Variants in MGAT5B observed in about 807,000 individuals in gnomAD.
The protein encoded by MGAT5B is alpha-1,6-mannosylglycoprotein 6-beta-N-acetylglucosaminyltransferase B.
In MGAT5B, 54 loss-of-function variants were observed where a neutral mutation model predicts 95.1. The ratio of observed to expected loss-of-function variants is 0.57; its 90% CI spans 0.46 to 0.71. The LOEUF is 0.71. Among genes scored for constraint, MGAT5B ranks in the 30% least tolerant of loss-of-function variants. The pLI, the probability that MGAT5B is intolerant of heterozygous loss-of-function variation, is 0.00. For missense variants in MGAT5B, 935 were observed against 1,088.6 expected, an observed-to-expected ratio of 0.86 and a Z score of 1.99; for synonymous variants, 464 against 451.0, an observed-to-expected ratio of 1.03 and a Z score of -0.36.
At chr17:76,945,335 G>T (rs990716154) in intron 15 of MGAT5B, among the ~76,000 whole-genome samples, 1 of 152,114 alleles carries the variant, frequency 6.6e-6, no homozygotes, top group Non-Finnish European at 1.5e-5. Flanking sequence ...TGTTGCCCAG[G>T]CTGGAGTGCA....
rs531221420 is a variant in MGAT5B at position 76,933,368 on chromosome 17, G to A, written c.1428+71G>A. The A allele has an allele frequency of 1.1e-4, 168 of 1,578,228 alleles. 1 individual carries two copies. The African/African-American group carries it at 2.0e-3, about 19-fold the overall frequency. On this transcript the variant is annotated intron_variant, in intron 12 of 17. Transcript: ENST00000569840. ...TCCCCTCTCCAGCAGCCACTCCAGG[G>A]GTCTCTCCTTGTGATGTTCTCCTGA...
chr17:76,948,923 G>C lies in MGAT5B; in HGVS notation c.*85G>C. 2.1e-6 allele frequency: 3 copies of C among 1,407,042 alleles called. No homozygotes were observed. The highest frequency in any genetic ancestry group is 1.9e-6 in the Non-Finnish European group (2 of 1,048,518). The allele number at this position is 1,407,042 out of a possible 1,614,324, so 87.2% of individuals were successfully genotyped here. Reference sequence around the variant, plus strand: ...CACCAGCAGGTTCTGAGCCCTGGCTGCTTGTCCTCCTCGCAACCCCCCCAG... The same window carrying C: ...CACCAGCAGGTTCTGAGCCCTGGCTCCTTGTCCTCCTCGCAACCCCCCCAG... On this transcript the variant is annotated 3_prime_UTR_variant, in exon 18 of 18. Coordinates refer to ENST00000569840, the MANE Select transcript of MGAT5B (RefSeq NM_001199172.2).
chr17:76,874,014 C>T (rs1373089713), intron 2 of MGAT5B, among the ~76,000 whole-genome samples: 2 of 152,190 alleles, frequency 1.3e-5, no homozygotes, highest in Admixed American at 1.3e-4. Flanking sequence ...TCTGTCATCT[C>T]ATCATTAGAT....
At chr17:76,933,330 C>T (rs771852040) in intron 12 of MGAT5B, 33 bp downstream of exon 12, 1 of 1,597,994 alleles carries the variant, frequency 6.3e-7, no homozygotes, top group Non-Finnish European at 8.5e-7. Context: ...GCCCCCTCTA[C>T]CCTCTGCTCC....
Position 76,870,748 on chromosome 17 carries a change from G to T in MGAT5B, c.68+1651G>T, listed in dbSNP as rs1298664897. Among the ~76,000 whole-genome samples the T allele has an allele frequency of 6.6e-6, 1 of 152,022 alleles. No individual in the cohort carries two copies. Among genetic ancestry groups the T allele is most frequent in the South Asian group, 2.1e-4 (1 of 4,816 alleles). ...ATCAGTGAGTCCCTTCAGTTGAGGT[G>T]GGGGGCAGGCTGCAATCATAGCACC... On this transcript the variant is annotated intron_variant, in intron 1 of 17. Transcript: ENST00000569840. This position sits in a 1 kb window ranked among gnomAD's most constrained non-coding sequence, Gnocchi z 5.0.
chr17:76,907,430 G>T (rs1034238544), intron 8 of MGAT5B, among the ~76,000 whole-genome samples: 5 of 152,128 alleles, frequency 3.3e-5, no homozygotes, highest in Non-Finnish European at 2.9e-5. Context: ...GTTTTGTTCT[G>T]GTTTCAAGCT....
chr17:76,918,680 G>A lies in MGAT5B; in HGVS notation c.1026-6286G>A, dbSNP rs747050945. 2.8e-4 allele frequency among the ~76,000 whole-genome samples: 42 copies of A among 152,176 alleles called. No individual in the cohort carries two copies. The highest frequency in any genetic ancestry group is 5.3e-4 in the Non-Finnish European group (36 of 68,032). On this transcript the variant is annotated intron_variant, in intron 8 of 17. Transcript: ENST00000569840. This position sits in a 1 kb window ranked among gnomAD's most constrained non-coding sequence, Gnocchi z 5.1. ...GGTAATGGGCCATGGCAGGGTTGGG[G>A]GCTGCCCATGATACTTGGGAAACGG...
intron 12 of MGAT5B, among the ~76,000 whole-genome samples, chr17:76,933,606 G>A (rs1969563941): frequency 6.6e-6 from 1 of 152,128 alleles, no homozygotes; most frequent in Non-Finnish European, 1.5e-5. Context: ...CAAGCAGGTG[G>A]CATGAGGTCA....
At chr17:76,936,662 A>C (rs1969682793) in intron 12 of MGAT5B, among the ~76,000 whole-genome samples, 1 of 152,342 alleles carries the variant, frequency 6.6e-6, no homozygotes, top group South Asian at 2.1e-4. Flanking sequence ...TTTTGCGTGT[A>C]GATATCATGT....
At chr17:76,881,100 G>A (rs1299684028) in intron 2 of MGAT5B, among the ~76,000 whole-genome samples, 1 of 152,154 alleles carries the variant, frequency 6.6e-6, no homozygotes, top group Non-Finnish European at 1.5e-5. Flanking sequence ...AGCACCCTAT[G>A]GACTGTGTGG....
chr17:76,930,850 G>T lies in MGAT5B; in HGVS notation c.1292-1795G>T, dbSNP rs1305065819. On this transcript the variant is annotated intron_variant, in intron 10 of 17. Transcript: ENST00000569840. This position sits in a 1 kb window ranked among gnomAD's most constrained non-coding sequence, Gnocchi z 4.1. ...CCCAAGAGAAGGCTTCCAGGAGGAG[G>T]TGTCGTGTGAGAGGGGCCCCGAAGG... Among the ~76,000 whole-genome samples, 2 of 152,222 alleles carry T rather than the reference G, an allele frequency of 1.3e-5. No homozygotes were observed. The highest frequency in any genetic ancestry group is 2.9e-5 in the Non-Finnish European group (2 of 68,032).
At chr17:76,939,239 C>T (rs533811226) in intron 13 of MGAT5B, among the ~76,000 whole-genome samples, 61 of 152,094 alleles carry the variant, frequency 4.0e-4, no homozygotes, top group African/African-American at 1.4e-3. Context: ...GTGGCTCACA[C>T]CTGTAATCCC....
At chr17:76,945,842 C>T (rs1970011325) in intron 15 of MGAT5B, among the ~76,000 whole-genome samples, 1 of 152,188 alleles carries the variant, frequency 6.6e-6, no homozygotes, top group African/African-American at 2.4e-5. Context: ...TGTGAACAAG[C>T]CATAGTCCCC....
rs559913111 is a variant in MGAT5B, at chr17:76,915,397, G to A, written c.1025+9210G>A. Among the ~76,000 whole-genome samples, 195 of 152,226 alleles carry A rather than the reference G, an allele frequency of 1.3e-3. 2 individuals carry two copies. Among genetic ancestry groups the A allele is most frequent in the African/African-American group, 4.6e-3 (190 of 41,524 alleles). ...TGACGGTTTCTATTTTATCTTCGAT[G>A]CCGGAGGGGAGAGCATTTCCCACAA... On this transcript the variant is annotated intron_variant, in intron 8 of 17. Coordinates refer to ENST00000569840, the MANE Select transcript of MGAT5B (RefSeq NM_001199172.2). The surrounding 1 kb of genome is among the most constrained non-coding windows in gnomAD (Gnocchi z 8.7).
At chr17:76,925,373 T>C (rs1969277526) in intron 9 of MGAT5B, among the ~76,000 whole-genome samples, 1 of 145,788 alleles carries the variant, frequency 6.9e-6, no homozygotes, top group South Asian at 2.3e-4. Flanking sequence ...GTCATCTACA[T>C]GGAGCGGAGC....
Position 76,947,890 on chromosome 17 carries a change from G to C in MGAT5B, c.1984G>C (p.Val662Leu), listed in dbSNP as rs775953827. The C allele has an allele frequency of 3.1e-5, 50 of 1,612,998 alleles. No homozygotes were observed. The East Asian group carries it at 1.0e-3, about 33-fold the overall frequency. ...GGCCCACGCCCCGCAGAGCCCCTTT[G>C]TCCTGGCCCCCAATGCCACCCACCT... ...PEAHAPQSPF[V>L]LAPNATHLEW... is the part of the protein sequence containing the mutation. Residue 662 changes from valine (V) to leucine (L), a missense_variant, in exon 17 of 18, where the codon GTC becomes CTC. By Grantham distance (32) the Val-to-Leu change is conservative. This residue lies in a region of MGAT5B where 440 missense variants were observed against 523.6 expected (regional missense o/e 0.84). Coordinates refer to ENST00000569840, the MANE Select transcript of MGAT5B (RefSeq NM_001199172.2).
At position 76,938,822 on chromosome 17, in the gene MGAT5B, G is replaced by A. The variant is rs181854487; in HGVS notation, c.1584+679G>A. 1.6e-4 allele frequency among the ~76,000 whole-genome samples: 25 copies of A among 152,174 alleles called. No individual in the cohort carries two copies. The highest frequency in any genetic ancestry group is 6.0e-4 in the African/African-American group (25 of 41,484). On this transcript the variant is annotated intron_variant, in intron 13 of 17. Transcript: ENST00000569840. This position sits in a 1 kb window ranked among gnomAD's most constrained non-coding sequence, Gnocchi z 4.3. ...ACCTCCCGAGTAGCTGGGACTATTG[G>A]CATACACCACCACACCTGGCTAATT... is the stretch of plus-strand genomic sequence containing the variant.
chr17:76,932,587 C>T, intron 10 of MGAT5B, 58 bp from the exon 11 acceptor site: 1 of 1,605,130 alleles, frequency 6.2e-7, no homozygotes, highest in Non-Finnish European at 8.5e-7. Flanking sequence ...TCCAGGGAGG[C>T]CTGGGGCTGC....
intron 8 of MGAT5B, among the ~76,000 whole-genome samples, chr17:76,911,809 T>C (rs1968746172): frequency 6.6e-6 from 1 of 152,042 alleles, no homozygotes; most frequent in Non-Finnish European, 1.5e-5. Context: ...AACAATGGAG[T>C]GCACACTGCA....
Sources: allele counts gnomAD v4.1 joint callset (sites outside exome capture counted in the v4.1 genomes callset), GRCh38; gene constraint gnomAD v4.1.1; regional missense constraint gnomAD v4.1.1; non-coding constraint Gnocchi (gnomAD v3.1); transcripts MANE v1.5; gene names NCBI Gene and HGNC (gene_info 2026-07-23, HGNC 2026-07-21).